Variants in FBXL7 observed in about 807,000 individuals in gnomAD.
FBXL7 encodes F-box and leucine rich repeat protein 7.
FBXL7 carries 12 observed loss-of-function variants against 38.3 expected under a neutral mutation model. The ratio of observed to expected loss-of-function variants is 0.31; its 90% CI spans 0.20 to 0.51. The LOEUF is 0.51. FBXL7 is among the 20% of genes least tolerant of loss of function. The pLI, the probability that FBXL7 is intolerant of heterozygous loss-of-function variation, is 0.98. For missense variants in FBXL7, 567 were observed against 676.4 expected (o/e 0.84, Z 1.79); for synonymous variants, 297 against 300.9 (o/e 0.99, Z 0.13).
intron 2 of FBXL7, among the ~76,000 whole-genome samples, chr5:15,733,747 A>C (rs1204294573): frequency 1.3e-5 from 2 of 152,220 alleles, no homozygotes; most frequent in African/African-American, 4.8e-5. Context: ...CTTTGTGATA[A>C]ATTGCAGGTT....
In FBXL7 at chr5:15,891,487, ACT is replaced by A. The variant is rs1406442062; in HGVS notation, c.128-36400_128-36399del. ...TAAAGTACATATTTATGTAAACTAGACTCTGTAATAGGAACTGGAGACACATC... is the reference window on the plus strand; with the variant it reads ...TAAAGTACATATTTATGTAAACTAGACTGTAATAGGAACTGGAGACACATC... On this transcript the variant is annotated intron_variant, in intron 2 of 3. Transcript: ENST00000504595. Among the ~76,000 whole-genome samples the A allele has an allele frequency of 9.8e-5, 15 of 152,334 alleles. 1 individual carries two copies. Among genetic ancestry groups the A allele is most frequent in the African/African-American group, 3.6e-4 (15 of 41,576 alleles).
At chr5:15,718,733 A>G (rs965341703) in intron 2 of FBXL7, among the ~76,000 whole-genome samples, 3 of 152,262 alleles carry the variant, frequency 2.0e-5, no homozygotes, top group African/African-American at 4.8e-5. Flanking sequence ...TTGAAAAAAC[A>G]TAAATGACCT....
chr5:15,520,078 A>G (rs1481610102), intron 1 of FBXL7, among the ~76,000 whole-genome samples: 6 of 148,754 alleles, frequency 4.0e-5, no homozygotes, highest in African/African-American at 1.0e-4. Flanking sequence ...ACTTCCTGAT[A>G]TATTGCCATG....
chr5:15,677,807 G>A (rs1485949292), intron 2 of FBXL7, among the ~76,000 whole-genome samples: 2 of 152,138 alleles, frequency 1.3e-5, no homozygotes, highest in African/African-American at 4.8e-5. Flanking sequence ...ACTAACATTA[G>A]TGGTGGAGGT....
rs914139277 is a variant in FBXL7 at position 15,874,788 on chromosome 5, T to C, written c.128-53102T>C. ...AGGACACAAACAAATGGAAGAACAT[T>C]CCATGCTCATGGATAGGAAAAATAA... On this transcript the variant is annotated intron_variant, in intron 2 of 3. Coordinates refer to ENST00000504595, the MANE Select transcript of FBXL7 (RefSeq NM_012304.5). Among the ~76,000 whole-genome samples, 14 of 152,260 alleles carry C rather than the reference T, an allele frequency of 9.2e-5. 1 individual carries two copies. The highest frequency in any genetic ancestry group is 3.4e-4 in the African/African-American group (14 of 41,550).
chr5:15,533,750 A>G (rs1394851710), intron 1 of FBXL7, among the ~76,000 whole-genome samples: 2 of 152,168 alleles, frequency 1.3e-5, no homozygotes, highest in African/African-American at 4.8e-5. Flanking sequence ...CAAAGGCCAA[A>G]ATATGATTAA....
chr5:15,917,401 A>G (rs376295089), intron 2 of FBXL7, among the ~76,000 whole-genome samples: 64 of 152,282 alleles, frequency 4.2e-4, no homozygotes, highest in African/African-American at 1.5e-3. Context: ...ACTTGAGCCC[A>G]GGAGTTCAGG....
intron 1 of FBXL7, among the ~76,000 whole-genome samples, chr5:15,501,959 T>TA (rs943453839): frequency 6.6e-5 from 10 of 151,880 alleles, no homozygotes; most frequent in Non-Finnish European, 1.5e-4. Context: ...ATTTTTTTTT[T>TA]AAAGTTAAAG....
intron 2 of FBXL7, among the ~76,000 whole-genome samples, chr5:15,678,266 T>C (rs1742725927): frequency 6.6e-6 from 1 of 152,166 alleles, no homozygotes; most frequent in Non-Finnish European, 1.5e-5. Context: ...ATGCATGTGT[T>C]CCTCTTGAGC....
intron 2 of FBXL7, among the ~76,000 whole-genome samples, chr5:15,894,847 A>C (rs1465436187): frequency 6.6e-6 from 1 of 152,242 alleles, no homozygotes; most frequent in Non-Finnish European, 1.5e-5. Context: ...AGAGAAATTT[A>C]AATCTTTTTT....
chr5:15,813,818 T>C (rs1407750998), intron 2 of FBXL7, among the ~76,000 whole-genome samples: 1 of 151,644 alleles, frequency 6.6e-6, no homozygotes, highest in Non-Finnish European at 1.5e-5. Context: ...TCAACAAACA[T>C]GAAAAAAAAG....
chr5:15,917,702 A>AAAGG (rs374864814), intron 2 of FBXL7, among the ~76,000 whole-genome samples: 2,233 of 123,246 alleles, frequency 0.018, 20 homozygotes, highest in Middle Eastern at 0.044. Context: ...AGGAAGAAAG[A>AAAGG]AAGGAAGGAA....
At chr5:15,809,773 G>C (rs184890278) in intron 2 of FBXL7, among the ~76,000 whole-genome samples, 1 of 152,250 alleles carries the variant, frequency 6.6e-6, no homozygotes, top group African/African-American at 2.4e-5. Context: ...TAAATGGAAG[G>C]ACAAAAGATG....
intron 2 of FBXL7, among the ~76,000 whole-genome samples, chr5:15,819,544 C>A (rs918527745): frequency 2.0e-5 from 3 of 151,954 alleles, no homozygotes; most frequent in Non-Finnish European, 4.4e-5. Context: ...GAAAGAATAC[C>A]TTTTTTCTGT....
chr5:15,722,940 A>AAAAAAAAAG (rs1561100210), intron 2 of FBXL7, among the ~76,000 whole-genome samples: 2 of 151,436 alleles, frequency 1.3e-5, no homozygotes, highest in African/African-American at 4.9e-5. Context: ...CAAAAAAAAA[A>AAAAAAAAAG]AGAGAGAAGA....
At chr5:15,645,103 G>A (rs1741489248) in intron 2 of FBXL7, among the ~76,000 whole-genome samples, 1 of 152,116 alleles carries the variant, frequency 6.6e-6, no homozygotes, top group East Asian at 1.9e-4. Flanking sequence ...GTGGATTTTG[G>A]AAAATCATTT....
At chr5:15,635,468 C>T (rs1741150024) in intron 2 of FBXL7, among the ~76,000 whole-genome samples, 1 of 152,190 alleles carries the variant, frequency 6.6e-6, no homozygotes, top group South Asian at 2.1e-4. Context: ...TTAGTCATAG[C>T]AGTCCCAGAG....
intron 1 of FBXL7, among the ~76,000 whole-genome samples, chr5:15,583,674 C>T (rs1410302108): frequency 1.3e-5 from 2 of 152,180 alleles, no homozygotes; most frequent in African/African-American, 2.4e-5. Context: ...TGGGCTCCCA[C>T]GGCCTTGGAC....
chr5:15,690,509 C>T (rs1025983465), intron 2 of FBXL7, among the ~76,000 whole-genome samples: 1 of 152,064 alleles, frequency 6.6e-6, no homozygotes, highest in Admixed American at 6.5e-5. Flanking sequence ...ATATTCATCG[C>T]CTCAAATATT....
Sources: gnomAD v4.1 joint callset for allele counts (sites outside exome capture counted in the v4.1 genomes callset) on GRCh38, gnomAD v4.1.1 for gene constraint, MANE v1.5 for transcripts, NCBI Gene and HGNC (gene_info 2026-07-23, HGNC 2026-07-21) for gene names.